Variants in EML4 observed in about 807,000 individuals in gnomAD.
The protein encoded by EML4 is echinoderm microtubule-associated protein-like 4.
Under a neutral mutation model 129.0 loss-of-function variants are expected in EML4, and 72 were observed. The observed-to-expected ratio is 0.56, with a 90% CI of 0.46 to 0.68. EML4 has a LOEUF of 0.68. EML4 is among the 30% of genes least tolerant of loss of function. The pLI is 0.00. For synonymous variants in EML4, 532 were observed against 405.0 expected (o/e 1.31, Z -3.77); for missense variants, 1,363 against 1,190.6 (o/e 1.14, Z -2.13).
At chr2:42,272,090 A>C (rs898850490) in intron 6 of EML4, among the ~76,000 whole-genome samples, 1 of 152,052 alleles carries the variant, frequency 6.6e-6, no homozygotes, top group East Asian at 1.9e-4. Flanking sequence ...AAAAAAAAAA[A>C]AAAAAACCCT....
chr2:42,180,215 C>T (rs1320076068), intron 1 of EML4, among the ~76,000 whole-genome samples: 5 of 152,284 alleles, frequency 3.3e-5, no homozygotes, highest in Middle Eastern at 3.4e-3. Context: ...GATAAAACTG[C>T]GGCTCCAAGA....
chr2:42,306,484 C>CTTTTTTTTTTTTTTTTTTTT lies in EML4; in HGVS notation c.1967+1940_1967+1959dup, dbSNP rs375707062. On this transcript the variant is annotated intron_variant, in intron 17 of 22. Coordinates refer to ENST00000318522, the MANE Select transcript of EML4 (RefSeq NM_019063.5). ...GTGTCTGATGACCTTGTGCTAAATC[C>CTTTTTTTTTTTTTTTTTTTT]TTTTTTTTTTTTTTTTTTTTTTTTT... 1.4e-3 allele frequency among the ~76,000 whole-genome samples: 108 copies of CTTTTTTTTTTTTTTTTTTTT among 74,606 alleles called. 14 individuals carry two copies. The highest frequency in any genetic ancestry group is 5.6e-3 in the East Asian group (10 of 1,790). The allele number at this position is 74,606 out of a possible 152,430, so 48.9% of individuals were successfully genotyped here.
At chr2:42,258,077 T>G (rs1665458768) in intron 3 of EML4, among the ~76,000 whole-genome samples, 1 of 152,210 alleles carries the variant, frequency 6.6e-6, no homozygotes, top group Non-Finnish European at 1.5e-5. Flanking sequence ...TGTTGCTTGT[T>G]GCTGTGTAGT....
At chr2:42,199,620 C>T (rs925932250) in intron 1 of EML4, among the ~76,000 whole-genome samples, 10 of 151,988 alleles carry the variant, frequency 6.6e-5, no homozygotes, top group East Asian at 1.9e-4. Flanking sequence ...GAAGTGGTGT[C>T]GTGTGGAAAA....
chr2:42,223,908 A>G (rs558473804), intron 1 of EML4, among the ~76,000 whole-genome samples: 6 of 152,250 alleles, frequency 3.9e-5, no homozygotes, highest in East Asian at 1.9e-4. Context: ...CTTTTCACAT[A>G]CTAATAATAC....
At chr2:42,324,670 CCA>C (rs1225547010) in intron 19 of EML4, among the ~76,000 whole-genome samples, 1 of 152,148 alleles carries the variant, frequency 6.6e-6, no homozygotes, top group Non-Finnish European at 1.5e-5. Context: ...ATGTGTTTGA[CCA>C]CAGACTGTAG....
At chr2:42,226,852 A>G (rs970797276) in intron 1 of EML4, among the ~76,000 whole-genome samples, 1 of 152,104 alleles carries the variant, frequency 6.6e-6, no homozygotes, top group African/African-American at 2.4e-5. Context: ...ATAAATATAT[A>G]CAACTTTTAC....
chr2:42,228,691 A>G (rs1674132459), intron 1 of EML4, among the ~76,000 whole-genome samples: 1 of 152,180 alleles, frequency 6.6e-6, no homozygotes, highest in Non-Finnish European at 1.5e-5. Context: ...CTCCTGGTAA[A>G]AATTGACTGA....
At chr2:42,312,587 T>A (rs984849016) in intron 17 of EML4, among the ~76,000 whole-genome samples, 1 of 151,418 alleles carries the variant, frequency 6.6e-6, no homozygotes, top group Non-Finnish European at 1.5e-5. Flanking sequence ...GGGGTCTTGC[T>A]CTGTCGCCCA....
chr2:42,283,078 T>C, intron 8 of EML4, 106 bp downstream of exon 8: 1 of 1,089,502 alleles, frequency 9.2e-7, no homozygotes, highest in Non-Finnish European at 1.3e-6. Flanking sequence ...AAGCTCAGAA[T>C]GTAAAAATAT....
Position 42,332,124 on chromosome 2 carries a change from G to A in EML4, c.*1917G>A, listed in dbSNP as rs1670134825. 1 of 221,054 alleles carries A rather than the reference G, an allele frequency of 4.5e-6. No individual in the cohort carries two copies. Among genetic ancestry groups the A allele is most frequent in the Non-Finnish European group, 9.1e-6 (1 of 110,444 alleles). The allele number at this position is 221,054 out of a possible 1,614,324, so 13.7% of individuals were successfully genotyped here. A position where few individuals can be genotyped will look rare whatever the true frequency, so the allele number is the denominator to read the frequency against. On this transcript the variant is annotated 3_prime_UTR_variant, in exon 23 of 23. Coordinates refer to ENST00000318522, the MANE Select transcript of EML4 (RefSeq NM_019063.5). ...CTATACTCCCTGCAAGAAATATACT[G>A]ACATGAACAGGCAGTTCTTGGAGAA...
intron 13 of EML4, among the ~76,000 whole-genome samples, chr2:42,299,274 A>AT (rs984930863): frequency 1.3e-5 from 2 of 152,012 alleles, no homozygotes; most frequent in African/African-American, 4.8e-5. Flanking sequence ...CTGAGACATA[A>AT]TTTTTTTTAG....
chr2:42,301,427 A>ACAG, intron 14 of EML4, 35 bp downstream of exon 14: 1 of 1,506,734 alleles, frequency 6.6e-7, no homozygotes, highest in Non-Finnish European at 8.9e-7. Flanking sequence ...AATATTAAAT[A>ACAG]CTCTAAACTC....
chr2:42,191,214 TTAATA>T (rs1192457903), intron 1 of EML4, among the ~76,000 whole-genome samples: 6 of 152,224 alleles, frequency 3.9e-5, no homozygotes, highest in African/African-American at 1.4e-4. Flanking sequence ...TGTGTCATGC[TTAATA>T]TAAAGTAAAA....
At chr2:42,209,384 A>G (rs1305810497) in intron 1 of EML4, among the ~76,000 whole-genome samples, 1 of 152,162 alleles carries the variant, frequency 6.6e-6, no homozygotes, top group Non-Finnish European at 1.5e-5. Flanking sequence ...CAGTTTCTAA[A>G]ACAGATATTC....
At chr2:42,287,518 C>A (rs1011656725) in intron 10 of EML4, among the ~76,000 whole-genome samples, 1 of 152,106 alleles carries the variant, frequency 6.6e-6, no homozygotes, top group Non-Finnish European at 1.5e-5. Context: ...TCCTCAGTGC[C>A]TCTCACTCTT....
intron 13 of EML4, among the ~76,000 whole-genome samples, chr2:42,298,892 G>A (rs978806439): frequency 6.6e-6 from 1 of 152,116 alleles, no homozygotes; most frequent in Non-Finnish European, 1.5e-5. Context: ...ACTCTTGTTA[G>A]TTTGACCATG....
Position 42,287,755 on chromosome 2 carries a change from A to C in EML4, c.1123-472A>C, listed in dbSNP as rs1667391793. Among the ~76,000 whole-genome samples the C allele has an allele frequency of 4.6e-5, 7 of 152,318 alleles. No homozygotes were observed. The South Asian group carries it at 1.4e-3, about 32-fold the overall frequency. ...CAAGTTAATGTAAGTCAGGTATCTC[A>C]CAGAAAACTGAAATCAGCAAACTCT... On this transcript the variant is annotated intron_variant, in intron 10 of 22. Transcript: ENST00000318522.
chr2:42,313,882 A>G (rs1669094734), intron 17 of EML4, among the ~76,000 whole-genome samples: 1 of 149,912 alleles, frequency 6.7e-6, no homozygotes, highest in Non-Finnish European at 1.5e-5. Context: ...GAGCCGAGAT[A>G]GTGCCACACC....
Sources: gnomAD v4.1 joint callset for allele counts (sites outside exome capture counted in the v4.1 genomes callset) on GRCh38, gnomAD v4.1.1 for gene constraint, MANE v1.5 for transcripts, NCBI Gene and HGNC (gene_info 2026-07-23, HGNC 2026-07-21) for gene names.